GPR37L1: variants seen among roughly 807,000 people sequenced by gnomAD.
The protein encoded by GPR37L1 is G protein-coupled receptor 37 like 1.
In GPR37L1, 18 loss-of-function variants were observed where a neutral mutation model predicts 18.0. The ratio of observed to expected loss-of-function variants is 1.00; its 90% confidence interval spans 0.69 to 1.49. GPR37L1 has a LOEUF of 1.49. GPR37L1 is among the 40% of genes most tolerant of loss of function. GPR37L1 has a pLI of 0.00. For synonymous variants in GPR37L1, 256 were observed against 273.9 expected (o/e 0.93, Z 0.65); for missense variants, 558 against 615.1 (o/e 0.91, Z 0.98).
rs551923638 is a variant in GPR37L1 at position 202,127,299 on chromosome 1, C to T, written c.631-442C>T. ...CCTTCTTTCCTTCCTTCCTTCCTTC[C>T]TTCCTTCTTTCCTTCCTTCCTTCCT... On this transcript the variant is annotated intron_variant, in intron 1 of 1. Coordinates refer to ENST00000367282, the MANE Select transcript of GPR37L1 (RefSeq NM_004767.5). Among the ~76,000 whole-genome samples the T allele has an allele frequency of 5.6e-4, 74 of 132,600 alleles. No homozygotes were observed. In the East Asian group the frequency reaches 0.013, roughly 23 times the overall value. 87.0% of individuals were successfully genotyped at this position (132,600 alleles called of 152,430 possible). A position where few individuals can be genotyped will look rare whatever the true frequency, so the allele number is the denominator to read the frequency against.
At position 202,128,457 on chromosome 1, in the gene GPR37L1, T is replaced by A. The variant is rs774140568; in HGVS notation, c.1347T>A (p.Asn449Lys). 5.6e-6 allele frequency: 9 copies of A among 1,610,054 alleles called. No homozygotes were observed. Among genetic ancestry groups the A allele is most frequent in the African/African-American group, 1.3e-5 (1 of 74,826 alleles). The change falls in exon 2 of 2, where the codon AAT (asparagine) becomes AAA (lysine). Residue 449 changes from asparagine to lysine, a missense_variant. Physicochemically the swap from Asn to Lys is moderately conservative, Grantham distance 94. Coordinates refer to ENST00000367282, the MANE Select transcript of GPR37L1 (RefSeq NM_004767.5). ...CGGASEASAA[N>K]GSDNKLKTEV... ...GGGCTTCGGAGGCCTCTGCTGCCAATGGGTCGGACAACAAGCTCAAGACCG... is the reference window on the plus strand; with the variant it reads ...GGGCTTCGGAGGCCTCTGCTGCCAAAGGGTCGGACAACAAGCTCAAGACCG...
At chr1:202,124,107 A>C (rs1349909643) in intron 1 of GPR37L1, among the ~76,000 whole-genome samples, 1 of 152,198 alleles carries the variant, frequency 6.6e-6, no homozygotes, top group Non-Finnish European at 1.5e-5. Flanking sequence ...TCAAGTCAGC[A>C]TCCACTCCAT....
rs1484697726 is a variant in GPR37L1 at position 202,127,747 on chromosome 1, T to A, written c.637T>A (p.Ser213Thr). ...CRAVPFMEVS[S>T]LGVTTFSLCA... is the part of the protein sequence containing the mutation. Reference sequence around the variant, plus strand: ...CCTCACATCCTGCCCACAGGTCTCCTCTCTGGGAGTCACGACTTTCAGCCT... The same window carrying A: ...CCTCACATCCTGCCCACAGGTCTCCACTCTGGGAGTCACGACTTTCAGCCT... The change falls in exon 2 of 2, where the codon TCT becomes ACT. Residue 213 changes from serine (S) to threonine (T), a missense_variant. Physicochemically the swap from Ser to Thr is moderately conservative, Grantham distance 58. Transcript: ENST00000367282. 1.3e-6 allele frequency: 2 copies of A among 1,561,384 alleles called. No homozygotes were observed. The highest frequency in any genetic ancestry group is 4.5e-5 in the East Asian group (2 of 44,322).
chr1:202,124,274 T>C (rs78343950), intron 1 of GPR37L1, among the ~76,000 whole-genome samples: 10,495 of 152,272 alleles, frequency 0.069, 696 homozygotes, highest in African/African-American at 0.17. Flanking sequence ...GCTCTAGTCT[T>C]AGCTCTGCCA....
rs1654862565 is a variant in GPR37L1, at chr1:202,131,765, TC to T, written c.*3212del. 1 of 151,374 alleles carries T rather than the reference TC, an allele frequency of 6.6e-6. No homozygotes were observed. The highest frequency in any genetic ancestry group is 1.5e-5 in the Non-Finnish European group (1 of 67,878). 9.4% of individuals were successfully genotyped at this position (151,374 alleles called of 1,614,324 possible). ...ACACTTTTTTTTTTTTGAGACAAGATCCCACTCAGTCACTCAAGCTGAGTGC... is the reference window on the plus strand; with the variant it reads ...ACACTTTTTTTTTTTTGAGACAAGATCCACTCAGTCACTCAAGCTGAGTGC... On this transcript the variant is annotated 3_prime_UTR_variant, in exon 2 of 2. Transcript: ENST00000367282.
chr1:202,128,008 T>G lies in GPR37L1; in HGVS notation c.898T>G (p.Ser300Ala). The change falls in exon 2 of 2, where the codon TCA becomes GCA. Residue 300 changes from serine to alanine, a missense_variant. By Grantham distance (99) the Ser-to-Ala change is moderately conservative (BLOSUM62 1). Coordinates refer to ENST00000367282, the MANE Select transcript of GPR37L1 (RefSeq NM_004767.5). ...PSASLPESLY[S>A]LVMTYQNARM... ...AGCCAGCCTGCCCGAGTCCCTGTAT[T>G]CACTGGTGATGACCTACCAGAACGC... The G allele has an allele frequency of 6.2e-7, 1 of 1,614,150 alleles. No individual in the cohort carries two copies. Among genetic ancestry groups the G allele is most frequent in the Non-Finnish European group, 8.5e-7 (1 of 1,180,026 alleles).
At position 202,128,287 on chromosome 1, in the gene GPR37L1, A is replaced by G. The variant is rs1474889380; in HGVS notation, c.1177A>G (p.Thr393Ala). ...AYLSTELTRQTLDLLGLINQF... is the reference protein window; with the variant it reads ...AYLSTELTRQALDLLGLINQF... ...CCTCTCCACCGAGCTGACCCGCCAG[A>G]CCCTGGACCTCCTGGGCCTCATCAA... Residue 393 changes from threonine to alanine, a missense_variant, in exon 2 of 2, where the codon ACC becomes GCC. Physicochemically the swap from Thr to Ala is moderately conservative, Grantham distance 58. Transcript: ENST00000367282. 6.2e-7 allele frequency: 1 copy of G among 1,614,024 alleles called. No homozygotes were observed. Among genetic ancestry groups the G allele is most frequent in the East Asian group, 2.2e-5 (1 of 44,870 alleles).
rs1279595174 is a variant in GPR37L1 at position 202,132,523 on chromosome 1, G to A, written c.*3967G>A. Reference sequence around the variant, plus strand: ...GAGGGGCTGGAGGGCCCAGGACGGGGAGTCAAGGTCCCCACTCCCAGGACT... The same window carrying A: ...GAGGGGCTGGAGGGCCCAGGACGGGAAGTCAAGGTCCCCACTCCCAGGACT... On this transcript the variant is annotated 3_prime_UTR_variant, in exon 2 of 2. Transcript: ENST00000367282. 1 of 152,386 alleles carries A rather than the reference G, an allele frequency of 6.6e-6. No homozygotes were observed. The highest frequency in any genetic ancestry group is 1.5e-5 in the Non-Finnish European group (1 of 68,202). The allele number at this position is 152,386 out of a possible 1,614,324, so 9.4% of individuals were successfully genotyped here.
At chr1:202,123,764 T>A (rs1338223622) in intron 1 of GPR37L1, among the ~76,000 whole-genome samples, 171 bp downstream of exon 1, 6 of 152,122 alleles carry the variant, frequency 3.9e-5, no homozygotes, top group African/African-American at 1.4e-4. Flanking sequence ...CGGTATTGGT[T>A]TCTGGTTGCT....
At position 202,130,335 on chromosome 1, in the gene GPR37L1, G is replaced by T. The variant is rs1239157148; in HGVS notation, c.*1779G>T. Reference sequence around the variant, plus strand: ...CATGGGGCCTCAGGAAGGGCCCCGGGGGCCCAGGGATGGGCAGGGGCAGGG... The same window carrying T: ...CATGGGGCCTCAGGAAGGGCCCCGGTGGCCCAGGGATGGGCAGGGGCAGGG... On this transcript the variant is annotated 3_prime_UTR_variant, in exon 2 of 2. Coordinates refer to ENST00000367282, the MANE Select transcript of GPR37L1 (RefSeq NM_004767.5). 1 of 152,792 alleles carries T rather than the reference G, an allele frequency of 6.5e-6. No individual in the cohort carries two copies. Among genetic ancestry groups the T allele is most frequent in the African/African-American group, 2.4e-5 (1 of 41,440 alleles). 9.5% of individuals were successfully genotyped at this position (152,792 alleles called of 1,614,324 possible). A position where few individuals can be genotyped will look rare whatever the true frequency, so the allele number is the denominator to read the frequency against.
intron 1 of GPR37L1, among the ~76,000 whole-genome samples, chr1:202,126,634 C>A (rs1394375689): frequency 1.3e-5 from 2 of 152,112 alleles, no homozygotes; most frequent in African/African-American, 4.8e-5. Flanking sequence ...TCTGATGGTG[C>A]GGGAGGGTCC....
At position 202,127,844 on chromosome 1, in the gene GPR37L1, G is replaced by T; in HGVS notation, c.734G>T (p.Cys245Phe). The T allele has an allele frequency of 6.2e-7, 1 of 1,613,970 alleles. No homozygotes were observed. Residue 245 changes from cysteine to phenylalanine, a missense_variant, in exon 2 of 2, where the codon TGC becomes TTC. Physicochemically the swap from Cys to Phe is radical, Grantham distance 205. Transcript: ENST00000367282. ...TLPKVRPIER[C>F]QSILAKLAVI... ...CCCAAGGTGAGGCCCATCGAGCGGT[G>T]CCAATCCATCCTGGCCAAGTTGGCT...
In GPR37L1 at chr1:202,128,418, T is replaced by C. The variant is rs1382443941; in HGVS notation, c.1308T>C (p.Cys436=). ...TGGACTGCTGCTGCTGCTGCTGCTG[T>C]GAGGAGTGCGGCGGGGCTTCGGAGG... ...AFLDCCCCCC[C]EECGGASEAS... Residue 436 remains cysteine, a synonymous_variant, in exon 2 of 2, where the codon TGT becomes TGC. Transcript: ENST00000367282. 1.2e-6 allele frequency: 2 copies of C among 1,613,538 alleles called. No homozygotes were observed. Among genetic ancestry groups the C allele is most frequent in the South Asian group, 2.2e-5 (2 of 91,022 alleles).
chr1:202,126,683 C>T lies in GPR37L1; in HGVS notation c.631-1058C>T, dbSNP rs368517162. 8.5e-5 allele frequency among the ~76,000 whole-genome samples: 13 copies of T among 152,230 alleles called. No individual in the cohort carries two copies. The East Asian group carries it at 2.3e-3, about 27-fold the overall frequency. On this transcript the variant is annotated intron_variant, in intron 1 of 1. Coordinates refer to ENST00000367282, the MANE Select transcript of GPR37L1 (RefSeq NM_004767.5). ...GCTCTTTGGCACTCTCCTCCCCTGCCGCTCGGGCTGCTTCCTCTTGGCTCA... is the reference window on the plus strand; with the variant it reads ...GCTCTTTGGCACTCTCCTCCCCTGCTGCTCGGGCTGCTTCCTCTTGGCTCA...
At position 202,123,103 on chromosome 1, in the gene GPR37L1, G is replaced by T; in HGVS notation, c.140G>T (p.Gly47Val). The T allele has an allele frequency of 6.2e-7, 1 of 1,613,720 alleles. No homozygotes were observed. The highest frequency in any genetic ancestry group is 8.5e-7 in the Non-Finnish European group (1 of 1,179,902). ...GAGCAGCAGAGCCGATCCAAGAGGG[G>T]CACCGAGGATGAGGAGGCCAAGGGC... is the stretch of plus-strand genomic sequence containing the variant. ...TQEQQSRSKRGTEDEEAKGVQ... is the reference protein window; with the variant it reads ...TQEQQSRSKRVTEDEEAKGVQ... The change falls in exon 1 of 2, where the codon GGC (glycine) becomes GTC (valine). Residue 47 changes from glycine (G) to valine (V), a missense_variant. Coordinates refer to ENST00000367282, the MANE Select transcript of GPR37L1 (RefSeq NM_004767.5).
In GPR37L1 at chr1:202,130,799, G is replaced by T. The variant is rs2147807821; in HGVS notation, c.*2243G>T. ...AAGTACCACCAGCTTCCTAAGGGAT[G>T]CAGGAAGGGGCCGGGTGAACTGAGG... On this transcript the variant is annotated 3_prime_UTR_variant, in exon 2 of 2. Coordinates refer to ENST00000367282, the MANE Select transcript of GPR37L1 (RefSeq NM_004767.5). 6.6e-6 allele frequency: 1 copy of T among 152,438 alleles called. No individual in the cohort carries two copies. The highest frequency in any genetic ancestry group is 1.5e-5 in the Non-Finnish European group (1 of 68,110). 9.4% of individuals were successfully genotyped at this position (152,438 alleles called of 1,614,324 possible). A position where few individuals can be genotyped will look rare whatever the true frequency, so the allele number is the denominator to read the frequency against.
rs1571714168 is a variant in GPR37L1 at position 202,128,719 on chromosome 1, G to A, written c.*163G>A. On this transcript the variant is annotated 3_prime_UTR_variant, in exon 2 of 2. Transcript: ENST00000367282. The stretch of plus-strand genomic sequence containing the variant: ...TGTCAAAGCCCCCTCCCCACACAGG[G>A]CCTTTCCTGTCCCTTGTGGGGCCTT... 2 of 598,530 alleles carry A rather than the reference G, an allele frequency of 3.3e-6. No homozygotes were observed. The highest frequency in any genetic ancestry group is 6.0e-5 in the Admixed American group (2 of 33,264). 37.1% of individuals were successfully genotyped at this position (598,530 alleles called of 1,614,324 possible). A position where few individuals can be genotyped will look rare whatever the true frequency, so the allele number is the denominator to read the frequency against.
rs1654562136 is a variant in GPR37L1, at chr1:202,123,382, T to G, written c.419T>G (p.Val140Gly). Residue 140 changes from valine (V) to glycine (G), a missense_variant, in exon 1 of 2, where the codon GTG becomes GGG. Physicochemically the swap from Val to Gly is moderately radical, Grantham distance 109 (BLOSUM62 -3). Coordinates refer to ENST00000367282, the MANE Select transcript of GPR37L1 (RefSeq NM_004767.5). Reference protein sequence around the residue: ...AYAIMLLALVVFAVGIVGNLS... With the variant: ...AYAIMLLALVGFAVGIVGNLS... ...GCCATCATGCTTCTGGCGCTGGTGG[T>G]GTTTGCGGTGGGCATTGTGGGCAAC... 6.2e-7 allele frequency: 1 copy of G among 1,613,922 alleles called. No homozygotes were observed. The highest frequency in any genetic ancestry group is 1.3e-5 in the African/African-American group (1 of 74,888).
At chr1:202,125,150 T>C (rs1345028596) in intron 1 of GPR37L1, among the ~76,000 whole-genome samples, 4 of 73,174 alleles carry the variant, frequency 5.5e-5, no homozygotes, top group East Asian at 7.7e-4. Context: ...TGAAATTCTG[T>C]CTCAAAAAAA....
Sources: allele counts gnomAD v4.1 joint callset (sites outside exome capture counted in the v4.1 genomes callset), GRCh38; gene constraint gnomAD v4.1.1; transcripts MANE v1.5; gene names NCBI Gene and HGNC (gene_info 2026-07-23, HGNC 2026-07-21).